The following MACROD2 variants were observed in gnomAD, a reference collection of about 807,000 sequenced individuals.
The protein encoded by MACROD2 is mono-ADP ribosylhydrolase 2.
Under a neutral mutation model 70.4 loss-of-function variants are expected in MACROD2, and 36 were observed. The ratio of observed to expected loss-of-function variants is 0.51; its 90% CI spans 0.39 to 0.68. The LOEUF (loss-of-function observed/expected upper bound fraction) is 0.68, where lower values mean the gene tolerates loss of function less well. Ranked by LOEUF, MACROD2 falls within the 30% of genes least tolerant of loss-of-function variation. The probability of loss-of-function intolerance (pLI) is 0.00; values close to 1 mark genes in which losing one functional copy is unlikely to be tolerated. For synonymous variants in MACROD2, 172 were observed against 178.8 expected (o/e 0.96, Z 0.30); for missense variants, 496 against 538.4 (o/e 0.92, Z 0.78).
At chr20:16,004,396 T>A (rs943735255) in intron 15 of MACROD2, among the ~76,000 whole-genome samples, 1 of 152,138 alleles carries the variant, frequency 6.6e-6, no homozygotes, top group African/African-American at 2.4e-5. Context: ...GCAAAATGCA[T>A]CCTGAGCAGC....
chr20:15,552,263 A>C (rs929281346), intron 8 of MACROD2: 2 of 152,160 alleles, frequency 1.3e-5, no homozygotes. Context: ...AGATGTTCAC[A>C]GTCTTTCTTT....
At chr20:14,312,614 A>T (rs1268297873) in intron 3 of MACROD2, among the ~76,000 whole-genome samples, 1 of 152,136 alleles carries the variant, frequency 6.6e-6, no homozygotes, top group Non-Finnish European at 1.5e-5. Context: ...TGAACCTGAG[A>T]AATCAGATTT....
chr20:14,592,034 C>T (rs1048887563), intron 4 of MACROD2, among the ~76,000 whole-genome samples: 13 of 152,228 alleles, frequency 8.5e-5, no homozygotes, highest in African/African-American at 3.1e-4. Flanking sequence ...ATAGAGAGGA[C>T]TGCAGTGGAA....
chr20:15,657,128 T>C (rs904755062), intron 8 of MACROD2, among the ~76,000 whole-genome samples: 4 of 151,962 alleles, frequency 2.6e-5, no homozygotes, highest in African/African-American at 9.7e-5. Context: ...GCAGAAGGAA[T>C]AAATGAATGA....
intron 3 of MACROD2, among the ~76,000 whole-genome samples, chr20:14,482,471 C>T (rs1431952961): frequency 6.6e-6 from 1 of 150,994 alleles, no homozygotes; most frequent in Non-Finnish European, 1.5e-5. Context: ...TCTCTATAAG[C>T]TGGCCACGTC....
chr20:15,216,638 T>C (rs184054639), intron 5 of MACROD2, among the ~76,000 whole-genome samples: 2 of 152,292 alleles, frequency 1.3e-5, no homozygotes, highest in African/African-American at 4.8e-5. Flanking sequence ...CCACTCTATA[T>C]TGCACTTTGT....
intron 9 of MACROD2, among the ~76,000 whole-genome samples, chr20:15,875,293 T>A (rs1219265020): frequency 6.6e-6 from 1 of 152,168 alleles, no homozygotes; most frequent in Non-Finnish European, 1.5e-5. Flanking sequence ...GAGAAACTTC[T>A]TACTCAGTCT....
chr20:15,350,529 T>C (rs1332358777), intron 6 of MACROD2, among the ~76,000 whole-genome samples: 1 of 152,136 alleles, frequency 6.6e-6, no homozygotes, highest in East Asian at 1.9e-4. Flanking sequence ...TCGTGTTTAC[T>C]CAGATAGGGA....
chr20:15,138,144 G>A (rs1037423219), intron 5 of MACROD2, among the ~76,000 whole-genome samples: 5 of 152,096 alleles, frequency 3.3e-5, no homozygotes, highest in African/African-American at 1.2e-4. Context: ...TCTGTAGAGA[G>A]TTTTTGCATA....
At position 15,927,222 on chromosome 20, in the gene MACROD2, T is replaced by C. The variant is rs144513728; in HGVS notation, c.776-6054T>C. Among the ~76,000 whole-genome samples, 692 of 152,234 alleles carry C rather than the reference T, an allele frequency of 4.5e-3. 4 individuals carry two copies. Among genetic ancestry groups the C allele is most frequent in the African/African-American group, 0.016 (645 of 41,550 alleles). On this transcript the variant is annotated intron_variant, in intron 10 of 17. Coordinates refer to ENST00000684519, the MANE Select transcript of MACROD2 (RefSeq NM_001351661.2). ...ATACGATTCAAGGAAAAAATAATAA[T>C]GCTTTGGGGGAAAATGAAATTTCCC...
intron 5 of MACROD2, among the ~76,000 whole-genome samples, chr20:14,944,582 G>A (rs1159546108): frequency 6.6e-6 from 1 of 152,132 alleles, no homozygotes; most frequent in Non-Finnish European, 1.5e-5. Context: ...ATACCCCAGA[G>A]TCCTCTTTTC....
At chr20:15,120,583 G>A (rs1387973690) in intron 5 of MACROD2, among the ~76,000 whole-genome samples, 1 of 152,064 alleles carries the variant, frequency 6.6e-6, no homozygotes, top group Non-Finnish European at 1.5e-5. Flanking sequence ...TCCCTGAATG[G>A]GCTGAAACAT....
rs11468964 is a variant in MACROD2, at chr20:15,993,233, A to AGTGTGT, written c.1153+6106_1153+6111dup. On this transcript the variant is annotated intron_variant, in intron 15 of 17. Coordinates refer to ENST00000684519, the MANE Select transcript of MACROD2 (RefSeq NM_001351661.2). ...AACTGGTTCAAAGGAGAATTTGAAG[A>AGTGTGT]GTGTGTGTGTGTGTGTGTGTGTGTG... Among the ~76,000 whole-genome samples the AGTGTGT allele has an allele frequency of 3.0e-3, 427 of 144,088 alleles. 1 individual carries two copies. The highest frequency in any genetic ancestry group is 9.8e-3 in the African/African-American group (389 of 39,526). 94.5% of individuals were successfully genotyped at this position (144,088 alleles called of 152,430 possible). A position where few individuals can be genotyped will look rare whatever the true frequency, so the allele number is the denominator to read the frequency against.
Position 15,333,210 on chromosome 20 carries a change from G to A in MACROD2, c.541-98195G>A, listed in dbSNP as rs940777231. Among the ~76,000 whole-genome samples, 23 of 151,542 alleles carry A rather than the reference G, an allele frequency of 1.5e-4. 1 individual carries two copies. The highest frequency in any genetic ancestry group is 5.6e-4 in the African/African-American group (23 of 40,924). On this transcript the variant is annotated intron_variant, in intron 6 of 17. Transcript: ENST00000684519. ...TTTTCAGCCCCACTCCAAGCCCAGT[G>A]CATGAGAAACTCCAGGTATGGGACC... is the stretch of plus-strand genomic sequence containing the variant.
intron 2 of MACROD2, among the ~76,000 whole-genome samples, chr20:14,019,901 A>G (rs1376316274): frequency 6.6e-6 from 1 of 152,176 alleles, no homozygotes; most frequent in Non-Finnish European, 1.5e-5. Context: ...TCTTAGCAGA[A>G]TTCATGCCTC....
At chr20:15,427,405 A>G (rs1335030335) in intron 6 of MACROD2, among the ~76,000 whole-genome samples, 1 of 152,210 alleles carries the variant, frequency 6.6e-6, no homozygotes, top group Non-Finnish European at 1.5e-5. Flanking sequence ...GCTAGATCTG[A>G]TAGGAGAAAG....
intron 5 of MACROD2, among the ~76,000 whole-genome samples, chr20:14,693,045 C>T (rs759434979): frequency 2.1e-4 from 32 of 152,218 alleles, no homozygotes; most frequent in Non-Finnish European, 1.2e-4. Flanking sequence ...CTTTAGAGGA[C>T]GCTGTCTATA....
At chr20:14,209,945 A>G (rs1028716538) in intron 3 of MACROD2, among the ~76,000 whole-genome samples, 1 of 152,216 alleles carries the variant, frequency 6.6e-6, no homozygotes, top group African/African-American at 2.4e-5. Context: ...CTCACTTTCC[A>G]GAAATTCTGA....
At chr20:14,090,793 C>A (rs146054142) in intron 3 of MACROD2, among the ~76,000 whole-genome samples, 1 of 152,316 alleles carries the variant, frequency 6.6e-6, no homozygotes, top group African/African-American at 2.4e-5. Context: ...ATCAACAGAT[C>A]ATATGGCAGT....
Sources: gnomAD v4.1 joint callset for allele counts (sites outside exome capture counted in the v4.1 genomes callset) on GRCh38, gnomAD v4.1.1 for gene constraint, MANE v1.5 for transcripts, NCBI Gene and HGNC (gene_info 2026-07-23, HGNC 2026-07-21) for gene names.